The following PYGB variants were observed in gnomAD, a reference collection of about 807,000 sequenced individuals.
PYGB encodes the protein glycogen phosphorylase B, also known as glycogen phosphorylase, brain form.
A neutral mutation model predicts 94.3 loss-of-function variants in PYGB; 82 were observed. The ratio of observed to expected loss-of-function variants is 0.87; its 90% CI spans 0.73 to 1.04. The LOEUF (loss-of-function observed/expected upper bound fraction) is 1.04. PYGB is among the 50% of genes least tolerant of loss of function. The pLI, the probability that PYGB is intolerant of heterozygous loss-of-function variation, is 0.00. For synonymous variants in PYGB, 488 were observed against 479.1 expected (o/e 1.02, Z -0.24); for missense variants, 1,132 against 1,158.2 (o/e 0.98, Z 0.33).
intron 2 of PYGB, among the ~76,000 whole-genome samples, chr20:25,268,435 A>G (rs903766194): frequency 2.7e-5 from 4 of 150,116 alleles, no homozygotes; most frequent in African/African-American, 4.9e-5. Flanking sequence ...ATAAACATGT[A>G]TTGGGTTTAT....
At position 25,282,122 on chromosome 20, in the gene PYGB, C is replaced by T. The variant is rs149946359; in HGVS notation, c.1493C>T (p.Pro498Leu). Residue 498 changes from proline to leucine, a missense_variant, in exon 12 of 20, where the codon CCG (proline) becomes CTG (leucine). Pro to Leu is a moderately conservative substitution (Grantham distance 98, BLOSUM62 -3). Transcript: ENST00000216962. ...CGCCGGTGGCTGCTGCTGTGCAACC[C>T]GGGGCTGGCCGATACCATCGTGGAG... ...TPRRWLLLCN[P>L]GLADTIVEKI... is the part of the protein sequence containing the mutation. The T allele has an allele frequency of 1.4e-4, 219 of 1,613,168 alleles. 1 individual carries two copies. The African/African-American group carries it at 2.0e-3, about 15-fold the overall frequency.
At chr20:25,269,330 G>A (rs969057266) in intron 3 of PYGB, 123 bp downstream of exon 3, 1 of 670,152 alleles carries the variant, frequency 1.5e-6, no homozygotes, top group Non-Finnish European at 2.5e-6. Context: ...ATGGGCCAGT[G>A]TGTTCTTCAG....
At chr20:25,284,012 C>T in intron 13 of PYGB, 92 bp from the exon 14 acceptor site, 1 of 1,489,286 alleles carries the variant, frequency 6.7e-7, no homozygotes, top group Non-Finnish European at 9.2e-7. Flanking sequence ...CCCTGCGGCA[C>T]TCTTCACAGG....
At chr20:25,274,906 C>T (rs78191077) in intron 5 of PYGB, among the ~76,000 whole-genome samples, 183 bp downstream of exon 5, 3,172 of 152,358 alleles carry the variant, frequency 0.021, 102 homozygotes, top group African/African-American at 0.072. Flanking sequence ...TTGATGGGAG[C>T]TTCCCAAACA....
chr20:25,270,783 C>T, intron 3 of PYGB, among the ~76,000 whole-genome samples: 1 of 152,252 alleles, frequency 6.6e-6, no homozygotes, highest in East Asian at 1.9e-4. Context: ...GTGTGAGCCA[C>T]CACTCCTGGC....
rs1284111166 is a variant in PYGB, at chr20:25,285,196, G to T, written c.1768+945G>T. 2.0e-5 allele frequency: 3 copies of T among 152,166 alleles called. No homozygotes were observed. The East Asian group carries it at 5.8e-4, about 29-fold the overall frequency. 9.4% of individuals were successfully genotyped at this position (152,166 alleles called of 1,614,324 possible). A position where few individuals can be genotyped will look rare whatever the true frequency, so the allele number is the denominator to read the frequency against. ...CTGCCGTGTGGGCACCACGGGAGGT[G>T]CTTCCCGGGGCTGTGGCTTCCCGGC... On this transcript the variant is annotated intron_variant, in intron 14 of 19. Transcript: ENST00000216962.
chr20:25,284,288 G>A, intron 14 of PYGB, 37 bp downstream of exon 14: 2 of 1,596,338 alleles, frequency 1.3e-6, no homozygotes, highest in Non-Finnish European at 1.7e-6. Context: ...CGCGCTGTGG[G>A]GCCCAAGGCT....
At chr20:25,278,891 G>C (rs759865320) in intron 8 of PYGB, among the ~76,000 whole-genome samples, 166 bp from the exon 9 acceptor site, 11 of 150,388 alleles carry the variant, frequency 7.3e-5, no homozygotes, top group Non-Finnish European at 1.3e-4. Flanking sequence ...GTGCGAGCCC[G>C]ACTGTCCTCC....
intron 14 of PYGB, chr20:25,285,682 G>A (rs535324573): frequency 6.6e-6 from 1 of 151,802 alleles, no homozygotes; most frequent in Admixed American, 6.6e-5. Context: ...ATGTGTGCAT[G>A]CCTGTAAACA....
rs201699404 is a variant in PYGB, at chr20:25,296,855, T to C, written c.*333T>C. On this transcript the variant is annotated 3_prime_UTR_variant, in exon 20 of 20. Coordinates refer to ENST00000216962, the MANE Select transcript of PYGB (RefSeq NM_002862.4). ...CCAGAACTTTGCACACATCTTGCTA[T>C]GTATTAGCCGATGTCTTTAGTGTTG... 11 of 296,938 alleles carry C rather than the reference T, an allele frequency of 3.7e-5. No homozygotes were observed. Among genetic ancestry groups the C allele is most frequent in the South Asian group, 4.2e-5 (1 of 23,774 alleles). The allele number at this position is 296,938 out of a possible 1,614,324, so 18.4% of individuals were successfully genotyped here.
intron 14 of PYGB, chr20:25,288,134 C>T (rs943321369): frequency 9.0e-5 from 49 of 542,800 alleles, no homozygotes; most frequent in African/African-American, 6.6e-4. Flanking sequence ...CATCTTTGCT[C>T]GAGTCAGCTG....
intron 17 of PYGB, 86 bp downstream of exon 17, chr20:25,292,699 C>G: frequency 6.8e-7 from 1 of 1,476,444 alleles, no homozygotes. Flanking sequence ...GGACTGGGCT[C>G]TTGGGGCCAG....
chr20:25,284,175 C>T lies in PYGB; in HGVS notation c.1692C>T (p.Phe564=), dbSNP rs770545967. ...TGAAGATCAACCCCTCCTCCATGTT[C>T]GATGTGCATGTGAAGAGGATCCACG... ...YKVKINPSSM[F]DVHVKRIHEY... Residue 564 remains phenylalanine, a synonymous_variant, in exon 14 of 20, where the codon TTC becomes TTT. Coordinates refer to ENST00000216962, the MANE Select transcript of PYGB (RefSeq NM_002862.4). 18 of 1,613,922 alleles carry T rather than the reference C, an allele frequency of 1.1e-5. No homozygotes were observed. Among genetic ancestry groups the T allele is most frequent in the Middle Eastern group, 1.6e-4 (1 of 6,082 alleles).
chr20:25,287,393 C>G (rs2088427512), intron 14 of PYGB, among the ~76,000 whole-genome samples: 1 of 152,174 alleles, frequency 6.6e-6, no homozygotes, highest in Non-Finnish European at 1.5e-5. Context: ...CCCTGTAATC[C>G]CAGTGATTTG....
chr20:25,291,448 CTGT>C (rs2088466774), intron 16 of PYGB, among the ~76,000 whole-genome samples: 1 of 152,208 alleles, frequency 6.6e-6, no homozygotes, highest in Non-Finnish European at 1.5e-5. Context: ...GGCTGATCTG[CTGT>C]TGTTCTGCAA....
At chr20:25,290,841 C>T (rs2088460467) in intron 16 of PYGB, among the ~76,000 whole-genome samples, 1 of 152,194 alleles carries the variant, frequency 6.6e-6, no homozygotes, top group African/African-American at 2.4e-5. Flanking sequence ...ATGTCACAGG[C>T]AGTGTCATCC....
chr20:25,277,854 T>C (rs2123564592), intron 7 of PYGB, among the ~76,000 whole-genome samples: 1 of 152,354 alleles, frequency 6.6e-6, no homozygotes, highest in East Asian at 1.9e-4. Context: ...GGCTTTCTTT[T>C]TGTTGTTGTT....
rs1294023252 is a variant in PYGB, at chr20:25,297,234, T to TC, written c.*712_*713insC. The TC allele has an allele frequency of 6.6e-6, 1 of 152,290 alleles. No individual in the cohort carries two copies. The highest frequency in any genetic ancestry group is 1.5e-5 in the Non-Finnish European group (1 of 68,090). The allele number at this position is 152,290 out of a possible 1,614,324, so 9.4% of individuals were successfully genotyped here. On this transcript the variant is annotated 3_prime_UTR_variant, in exon 20 of 20. Transcript: ENST00000216962. Reference sequence around the variant, plus strand: ...CTTGTGTCTGCTGTCTCAGAGGCCTTGGTCAGGATGAAGTTGGCTGACACA... The same window carrying TC: ...CTTGTGTCTGCTGTCTCAGAGGCCTTCGGTCAGGATGAAGTTGGCTGACACA...
chr20:25,290,127 C>CCCTCCAGT (rs1391976638), intron 15 of PYGB, among the ~76,000 whole-genome samples: 1 of 152,208 alleles, frequency 6.6e-6, no homozygotes, highest in Non-Finnish European at 1.5e-5. Context: ...CCGAATGTGT[C>CCCTCCAGT]CCTCCAGTGT....
Sources: allele counts gnomAD v4.1 joint callset (sites outside exome capture counted in the v4.1 genomes callset), GRCh38; gene constraint gnomAD v4.1.1; transcripts MANE v1.5; gene names NCBI Gene and HGNC (gene_info 2026-07-23, HGNC 2026-07-21).